SEMA5A: variants seen among roughly 807,000 people sequenced by gnomAD.
The protein encoded by SEMA5A is semaphorin-5A.
Under a neutral mutation model 135.5 loss-of-function variants are expected in SEMA5A, and 55 were observed. The ratio of observed to expected loss-of-function variants is 0.41; its 90% CI spans 0.33 to 0.51. SEMA5A has a LOEUF of 0.51. Ranked by LOEUF, SEMA5A falls within the 20% of genes least tolerant of loss-of-function variation. SEMA5A has a pLI of 0.37. For synonymous variants in SEMA5A, 580 were observed against 546.5 expected, an observed-to-expected ratio of 1.06 and a Z score of -0.85; for missense variants, 1,290 against 1,419.9, an observed-to-expected ratio of 0.91 and a Z score of 1.47.
chr5:9,079,215 C>A (rs1411576336), intron 16 of SEMA5A, among the ~76,000 whole-genome samples: 1 of 152,062 alleles, frequency 6.6e-6, no homozygotes, highest in Non-Finnish European at 1.5e-5. Context: ...AACAGTCTCT[C>A]GGACCACAGT....
chr5:9,140,742 C>G (rs1278239635), intron 12 of SEMA5A, among the ~76,000 whole-genome samples: 2 of 152,142 alleles, frequency 1.3e-5, no homozygotes, highest in Non-Finnish European at 2.9e-5. Context: ...TTACACAGAG[C>G]AAAAGCATAG....
intron 8 of SEMA5A, among the ~76,000 whole-genome samples, chr5:9,213,933 C>T (rs1746477776): frequency 6.6e-6 from 1 of 151,992 alleles, no homozygotes; most frequent in South Asian, 2.1e-4. Flanking sequence ...TGGGGGCTCT[C>T]GTAAGGTTGG....
chr5:9,537,840 C>G, intron 1 of SEMA5A, among the ~76,000 whole-genome samples: 1 of 152,182 alleles, frequency 6.6e-6, no homozygotes, highest in East Asian at 1.9e-4. Context: ...AAAAAATACT[C>G]TATTACCAGT....
chr5:9,325,802 T>G (rs895241656), intron 4 of SEMA5A, among the ~76,000 whole-genome samples: 1 of 132,520 alleles, frequency 7.5e-6, no homozygotes, highest in African/African-American at 2.5e-5. Flanking sequence ...TGGCCTCTGA[T>G]GAATATGACT....
At chr5:9,085,422 A>G (rs367585195) in intron 16 of SEMA5A, among the ~76,000 whole-genome samples, 44 of 152,260 alleles carry the variant, frequency 2.9e-4, no homozygotes, top group African/African-American at 9.4e-4. Context: ...GTGCAGCCTA[A>G]GGACTCGGTG....
intron 5 of SEMA5A, among the ~76,000 whole-genome samples, chr5:9,288,404 A>ACC (rs1750907367): frequency 6.6e-6 from 1 of 152,128 alleles, no homozygotes; most frequent in Admixed American, 6.5e-5. Context: ...CGCAGCTCGG[A>ACC]CTTCCCTCCC....
At position 9,062,965 on chromosome 5, in the gene SEMA5A, G is replaced by C; in HGVS notation, c.2440C>G (p.Pro814Ala). 1.9e-6 allele frequency: 3 copies of C among 1,614,224 alleles called. No individual in the cohort carries two copies. The highest frequency in any genetic ancestry group is 2.5e-6 in the Non-Finnish European group (3 of 1,180,040). Residue 814 changes from proline (P) to alanine (A), a missense_variant, in exon 18 of 23, where the codon CCC (proline) becomes GCC (alanine). Physicochemically the swap from Pro to Ala is conservative, Grantham distance 27. Transcript: ENST00000382496. Reference sequence around the variant, plus strand: ...GGCATTCCCCCATACTTGGGTTCGGGGTTGTTGCAAACACGCTTCCGGTTC... The same window carrying C: ...GGCATTCCCCCATACTTGGGTTCGGCGTTGTTGCAAACACGCTTCCGGTTC... The part of the protein sequence containing the change: ...IRNRKRVCNN[P>A]EPKYGGMPCL...
chr5:9,354,288 T>G (rs1479029750), intron 3 of SEMA5A, among the ~76,000 whole-genome samples: 6 of 152,206 alleles, frequency 3.9e-5, no homozygotes, highest in African/African-American at 1.4e-4. Context: ...AGCCATCACA[T>G]GGACAAACTA....
intron 4 of SEMA5A, among the ~76,000 whole-genome samples, chr5:9,319,011 C>T (rs986973135): frequency 1.3e-5 from 2 of 152,042 alleles, no homozygotes; most frequent in African/African-American, 4.8e-5. Context: ...TTGCCAGGCT[C>T]CTGGGAACCA....
Position 9,340,405 on chromosome 5 carries a change from A to G in SEMA5A, c.125-2593T>C, listed in dbSNP as rs541361723. On this transcript the variant is annotated intron_variant, in intron 3 of 22. Transcript: ENST00000382496. ...AGATGAGCCTCTAAGAGGAAAAAAGACTACGAAAGATAGAAGAAAATCAGG... is the reference window on the plus strand; with the variant it reads ...AGATGAGCCTCTAAGAGGAAAAAAGGCTACGAAAGATAGAAGAAAATCAGG... Among the ~76,000 whole-genome samples the G allele has an allele frequency of 2.0e-5, 3 of 152,304 alleles. No individual in the cohort carries two copies. In the East Asian group the frequency reaches 5.8e-4, roughly 29 times the overall value.
At chr5:9,348,157 GT>G (rs1184452222) in intron 3 of SEMA5A, among the ~76,000 whole-genome samples, 1 of 152,150 alleles carries the variant, frequency 6.6e-6, no homozygotes, top group East Asian at 1.9e-4. Context: ...TGTAATCTGA[GT>G]TCAAAATCTG....
chr5:9,105,135 C>A (rs1239762875), intron 16 of SEMA5A, among the ~76,000 whole-genome samples: 1 of 152,180 alleles, frequency 6.6e-6, no homozygotes, highest in African/African-American at 2.4e-5. Context: ...AATCAGCTCC[C>A]CGAACTAATC....
intron 2 of SEMA5A, among the ~76,000 whole-genome samples, chr5:9,432,129 C>T (rs528666265): frequency 6.6e-6 from 1 of 152,244 alleles, no homozygotes; most frequent in East Asian, 1.9e-4. Flanking sequence ...TGTCAGTGAG[C>T]TTTGGTAAGC....
chr5:9,277,450 C>A (rs891450464), intron 5 of SEMA5A, among the ~76,000 whole-genome samples: 35 of 152,144 alleles, frequency 2.3e-4, no homozygotes, highest in African/African-American at 8.2e-4. Flanking sequence ...TTTGACCCAG[C>A]AATCTCATCA....
chr5:9,163,488 A>C (rs548858119), intron 11 of SEMA5A, among the ~76,000 whole-genome samples: 1 of 152,214 alleles, frequency 6.6e-6, no homozygotes, highest in Non-Finnish European at 1.5e-5. Context: ...TTATGGTTTG[A>C]ACAAGATTCC....
At chr5:9,341,203 CAT>C (rs1442453586) in intron 3 of SEMA5A, among the ~76,000 whole-genome samples, 14 of 143,308 alleles carry the variant, frequency 9.8e-5, no homozygotes, top group Non-Finnish European at 1.6e-4. Context: ...CACACACACA[CAT>C]ACACACACAC....
chr5:9,074,942 A>T (rs2150089040), intron 16 of SEMA5A, among the ~76,000 whole-genome samples: 1 of 152,214 alleles, frequency 6.6e-6, no homozygotes, highest in East Asian at 1.9e-4. Context: ...GAACGGAAAA[A>T]GACTCAATTT....
chr5:9,342,732 T>G (rs979481860), intron 3 of SEMA5A, among the ~76,000 whole-genome samples: 7 of 152,222 alleles, frequency 4.6e-5, no homozygotes, highest in Non-Finnish European at 7.3e-5. Context: ...AGCTAATGTT[T>G]AAATAGTAGG....
chr5:9,344,024 T>C (rs1385642477), intron 3 of SEMA5A, among the ~76,000 whole-genome samples: 1 of 152,200 alleles, frequency 6.6e-6, no homozygotes, highest in Non-Finnish European at 1.5e-5. Context: ...AAACACGTCA[T>C]AAGGGAATAA....
Sources: gnomAD v4.1 joint callset for allele counts (sites outside exome capture counted in the v4.1 genomes callset) on GRCh38, gnomAD v4.1.1 for gene constraint, MANE v1.5 for transcripts, NCBI Gene and HGNC (gene_info 2026-07-23, HGNC 2026-07-21) for gene names.